The following PIWIL2 variants were observed in gnomAD, a reference collection of about 807,000 sequenced individuals.
PIWIL2 encodes piwi-like protein 2.
In PIWIL2, 81 loss-of-function variants were observed where a neutral mutation model predicts 116.5. That is an observed-to-expected ratio of 0.70 (90% CI 0.58 to 0.84). PIWIL2 has a LOEUF of 0.84. Among genes scored for constraint, PIWIL2 ranks in the 40% least tolerant of loss-of-function variants. The pLI, the probability that PIWIL2 is intolerant of heterozygous loss-of-function variation, is 0.00. For missense variants in PIWIL2, 1,272 were observed against 1,212.3 expected (o/e 1.05, Z -0.73); for synonymous variants, 489 against 429.5 (o/e 1.14, Z -1.71).
chr8:22,325,408 A>G (rs1170428494), intron 20 of PIWIL2, among the ~76,000 whole-genome samples: 2 of 150,544 alleles, frequency 1.3e-5, no homozygotes, highest in East Asian at 4.0e-4. Flanking sequence ...TACTGTGAGG[A>G]TGAAAGTATG....
At chr8:22,339,741 T>G (rs1321623108) in intron 20 of PIWIL2, among the ~76,000 whole-genome samples, 1 of 152,216 alleles carries the variant, frequency 6.6e-6, no homozygotes, top group African/African-American at 2.4e-5. Context: ...GGAAAGGCTC[T>G]AGTATCCAGA....
At chr8:22,285,791 G>A (rs1830615872) in intron 6 of PIWIL2, among the ~76,000 whole-genome samples, 2 of 152,014 alleles carry the variant, frequency 1.3e-5, no homozygotes, top group African/African-American at 4.8e-5. Flanking sequence ...ATAGGCAAGC[G>A]CCCCCATGCC....
intron 10 of PIWIL2, among the ~76,000 whole-genome samples, chr8:22,294,371 G>A (rs1474988576): frequency 2.0e-5 from 3 of 148,466 alleles, no homozygotes; most frequent in South Asian, 4.3e-4. Flanking sequence ...TCCGAGCGTG[G>A]TGGCTCACGC....
chr8:22,331,240 C>T (rs578233900), intron 20 of PIWIL2, among the ~76,000 whole-genome samples: 2 of 152,094 alleles, frequency 1.3e-5, no homozygotes, highest in South Asian at 2.1e-4. Context: ...TGATCAGACA[C>T]ATTTAAAAGT....
rs1427067744 is a variant in PIWIL2, at chr8:22,315,145, G to C, written c.2208G>C (p.Leu736=). 1 of 1,477,644 alleles carries C rather than the reference G, an allele frequency of 6.8e-7. No individual in the cohort carries two copies. Among genetic ancestry groups the C allele is most frequent in the Admixed American group, 1.7e-5 (1 of 59,814 alleles). The allele number at this position is 1,477,644 out of a possible 1,614,324, so 91.5% of individuals were successfully genotyped here. A position where few individuals can be genotyped will look rare whatever the true frequency, so the allele number is the denominator to read the frequency against. The stretch of plus-strand genomic sequence containing the variant: ...AGCTCTGGGGAGTGGATATTCCTCT[G>C]GTGAGTGATGCCGAGATGGTTCAGT... ...GGELWGVDIP[L]KQLMVIGMDV... Residue 736 remains leucine (L), a splice_region_variant and synonymous_variant, in exon 18 of 23, where the codon CTG becomes CTC. Coordinates refer to ENST00000356766, the MANE Select transcript of PIWIL2 (RefSeq NM_018068.5).
intron 20 of PIWIL2, chr8:22,321,930 G>T: frequency 1.0e-6 from 1 of 984,852 alleles, no homozygotes. Context: ...ATCACGGCTC[G>T]CTAGTCCAAA....
intron 10 of PIWIL2, among the ~76,000 whole-genome samples, chr8:22,301,148 T>TA (rs200507074): frequency 0.016 from 2,499 of 152,022 alleles, 29 homozygotes; most frequent in Middle Eastern, 0.024. Flanking sequence ...CCCAGCTAAT[T>TA]AAAAAAAATT....
At chr8:22,283,815 C>T (rs552284432) in intron 5 of PIWIL2, among the ~76,000 whole-genome samples, 1 of 152,306 alleles carries the variant, frequency 6.6e-6, no homozygotes, top group East Asian at 1.9e-4. Flanking sequence ...GAGACAATTC[C>T]TTGTCATGTT....
chr8:22,277,000 A>C (rs1326730150), intron 1 of PIWIL2, among the ~76,000 whole-genome samples: 1 of 151,806 alleles, frequency 6.6e-6, no homozygotes, highest in Admixed American at 6.6e-5. Flanking sequence ...GAGTCTTGAA[A>C]TCTGTAGGTT....
At chr8:22,308,261 C>A (rs1831238353) in intron 14 of PIWIL2, among the ~76,000 whole-genome samples, 188 bp downstream of exon 14, 3 of 149,656 alleles carry the variant, frequency 2.0e-5, no homozygotes, top group African/African-American at 7.4e-5. Flanking sequence ...TGTGCGTGGT[C>A]ATATTTTTCT....
intron 20 of PIWIL2, among the ~76,000 whole-genome samples, chr8:22,339,419 A>G (rs1832055373): frequency 6.6e-6 from 1 of 152,118 alleles, no homozygotes; most frequent in South Asian, 2.1e-4. Flanking sequence ...GAGGCAGGAG[A>G]ATCACTTGAA....
chr8:22,297,303 A>G (rs1249289611), intron 10 of PIWIL2, among the ~76,000 whole-genome samples: 1 of 151,950 alleles, frequency 6.6e-6, no homozygotes, highest in African/African-American at 2.4e-5. Flanking sequence ...ATTTTTGTAG[A>G]GATGCAGTTT....
In PIWIL2 at chr8:22,290,309, C is replaced by T; in HGVS notation, c.1144C>T (p.His382Tyr). 6.2e-7 allele frequency: 1 copy of T among 1,611,048 alleles called. No individual in the cohort carries two copies. Among genetic ancestry groups the T allele is most frequent in the Non-Finnish European group, 8.5e-7 (1 of 1,177,406 alleles). ...GGLFLLADVS[H>Y]KVIRNDCVLD... ...GCTCTTCCTGCTAGCTGATGTCTCC[C>T]ATAAGGTCATTCGGAATGACTGTGT... Residue 382 changes from histidine to tyrosine, a missense_variant, in exon 10 of 23, where the codon CAT (histidine) becomes TAT (tyrosine). His to Tyr is a moderately conservative substitution (Grantham distance 83, BLOSUM62 2). Transcript: ENST00000356766.
chr8:22,291,497 T>C lies in PIWIL2; in HGVS notation c.1181+1151T>C, dbSNP rs570001737. 3.9e-5 allele frequency among the ~76,000 whole-genome samples: 6 copies of C among 152,310 alleles called. No individual in the cohort carries two copies. The South Asian group carries it at 1.2e-3, about 32-fold the overall frequency. ...GTTGCATGAAATCTCATCTTACACA[T>C]AAGTCTGTACATCTGATTTTTTTAG... On this transcript the variant is annotated intron_variant, in intron 10 of 22. Transcript: ENST00000356766.
intron 20 of PIWIL2, among the ~76,000 whole-genome samples, chr8:22,330,203 C>T (rs1831825097): frequency 1.3e-5 from 2 of 151,956 alleles, no homozygotes; most frequent in African/African-American, 4.8e-5. Flanking sequence ...ATTATTTCTT[C>T]TGCTTGCTCA....
chr8:22,316,895 C>A (rs1831473185), intron 19 of PIWIL2, among the ~76,000 whole-genome samples: 1 of 151,198 alleles, frequency 6.6e-6, no homozygotes, highest in Non-Finnish European at 1.5e-5. Context: ...TTTTGGTGAT[C>A]CTCCCACCTC....
At chr8:22,297,641 A>C (rs1830941300) in intron 10 of PIWIL2, among the ~76,000 whole-genome samples, 1 of 152,188 alleles carries the variant, frequency 6.6e-6, no homozygotes. Context: ...GGGGATTTAC[A>C]GTATGGGAGA....
chr8:22,323,653 C>T (rs781265406), intron 20 of PIWIL2, among the ~76,000 whole-genome samples: 12 of 152,112 alleles, frequency 7.9e-5, no homozygotes, highest in Non-Finnish European at 1.5e-4. Flanking sequence ...TGAATCTTCC[C>T]AACAATATTA....
intron 20 of PIWIL2, among the ~76,000 whole-genome samples, chr8:22,322,990 C>T (rs936118087): frequency 1.3e-5 from 2 of 151,900 alleles, no homozygotes. Context: ...GATCTCGGCT[C>T]ACTGCAACTT....
Sources: allele counts gnomAD v4.1 joint callset (sites outside exome capture counted in the v4.1 genomes callset), GRCh38; gene constraint gnomAD v4.1.1; transcripts MANE v1.5; gene names NCBI Gene and HGNC (gene_info 2026-07-23, HGNC 2026-07-21).